Variants in SLFN12L observed in about 807,000 individuals in gnomAD.
SLFN12L encodes schlafen family member 12-like.
A neutral mutation model predicts 34.8 loss-of-function variants in SLFN12L; 34 were observed. That is an observed-to-expected ratio of 0.98 (90% confidence interval 0.74 to 1.30). The LOEUF (loss-of-function observed/expected upper bound fraction) is 1.30. Ranked by LOEUF, SLFN12L falls within the 50% of genes most tolerant of loss-of-function variation. SLFN12L has a pLI of 0.00. For synonymous variants in SLFN12L, 259 were observed against 247.5 expected (o/e 1.05, Z -0.44); for missense variants, 703 against 696.2 (o/e 1.01, Z -0.11).
chr17:35,487,933 G>C lies in SLFN12L; in HGVS notation c.87-7738C>G, dbSNP rs62078153. ...GGTGTGTCTGCGAATCCAACGACGG[G>C]CGCGGTGACTCACGCCTGTAATCCC... On this transcript the variant is annotated intron_variant, in intron 2 of 4. Coordinates refer to ENST00000628453, the MANE Select transcript of SLFN12L (RefSeq NM_001363830.2). The C allele has an allele frequency of 3.7e-3, 2,620 of 707,086 alleles. 9 individuals carry two copies. Among genetic ancestry groups the C allele is most frequent in the Non-Finnish European group, 5.2e-3 (2,054 of 391,906 alleles). The allele number at this position is 707,086 out of a possible 1,614,324, so 43.8% of individuals were successfully genotyped here. A position where few individuals can be genotyped will look rare whatever the true frequency, so the allele number is the denominator to read the frequency against.
chr17:35,524,065 C>T (rs1022691288), intron 1 of SLFN12L, among the ~76,000 whole-genome samples: 1 of 152,180 alleles, frequency 6.6e-6, no homozygotes, highest in Non-Finnish European at 1.5e-5. Flanking sequence ...ATTGAAATTA[C>T]CCAAACTTTA....
chr17:35,525,588 G>A (rs1161467791), intron 1 of SLFN12L, among the ~76,000 whole-genome samples: 1 of 152,176 alleles, frequency 6.6e-6, no homozygotes, highest in Non-Finnish European at 1.5e-5. Flanking sequence ...CGTCAACCCA[G>A]AATTTCATAT....
chr17:35,530,509 A>AAAGAAAGC (rs2072396928), intron 1 of SLFN12L, among the ~76,000 whole-genome samples: 1 of 23,932 alleles, frequency 4.2e-5, no homozygotes, highest in Non-Finnish European at 1.1e-4. Flanking sequence ...AGAAAGAAAG[A>AAAGAAAGC]AAGAAAAGAA....
intron 4 of SLFN12L, 28 bp from the exon 5 acceptor site, chr17:35,475,513 A>G: frequency 6.5e-7 from 1 of 1,528,164 alleles, no homozygotes; most frequent in Non-Finnish European, 8.8e-7. Context: ...GATAAATTAT[A>G]AAAGACTGAG....
intron 1 of SLFN12L, among the ~76,000 whole-genome samples, chr17:35,530,305 C>T (rs1489082234): frequency 2.8e-5 from 4 of 144,216 alleles, no homozygotes; most frequent in African/African-American, 1.0e-4. Flanking sequence ...CAAGATTGTG[C>T]CACTGCACTC....
In SLFN12L at chr17:35,479,371, T is replaced by A. The variant is rs1298971925; in HGVS notation, c.911A>T (p.Glu304Val). The stretch of plus-strand genomic sequence containing the variant: ...TTTCCCAATGGAATTTTTTGTTACT[T>A]CTTCTAACTTAGTAAGATAACTCTT... ...AEKSYLTKLE[E>V]VTKNSIGKLP... Residue 304 changes from glutamate (E) to valine (V), a missense_variant, in exon 3 of 5, where the codon GAA becomes GTA. By Grantham distance (121) the Glu-to-Val change is moderately radical. Transcript: ENST00000628453. 1 of 1,600,408 alleles carries A rather than the reference T, an allele frequency of 6.2e-7. No individual in the cohort carries two copies. The highest frequency in any genetic ancestry group is 8.5e-7 in the Non-Finnish European group (1 of 1,172,088).
intron 2 of SLFN12L, chr17:35,514,925 A>T (rs905915908): frequency 2.4e-6 from 1 of 414,032 alleles, no homozygotes; most frequent in African/African-American, 2.1e-5. Context: ...TGGATTTGTC[A>T]GGTGGTCTAC....
chr17:35,477,675 A>G (rs974148358), intron 4 of SLFN12L, among the ~76,000 whole-genome samples: 7 of 152,120 alleles, frequency 4.6e-5, no homozygotes, highest in Admixed American at 1.3e-4. Context: ...ATTTTCTTCC[A>G]TGTATATACC....
chr17:35,490,275 C>G (rs542530202), intron 2 of SLFN12L: 1 of 1,505,912 alleles, frequency 6.6e-7, no homozygotes, highest in East Asian at 2.3e-5. Context: ...GGTTCAAAAA[C>G]CCCCAAGGGC....
At chr17:35,512,758 T>C (rs1915694998) in intron 2 of SLFN12L, among the ~76,000 whole-genome samples, 1 of 152,246 alleles carries the variant, frequency 6.6e-6, no homozygotes, top group Non-Finnish European at 1.5e-5. Flanking sequence ...TGCACTTGGC[T>C]TAATCAACTG....
Position 35,498,111 on chromosome 17 carries a change from AG to A in SLFN12L, c.87-17917del. 2.0e-5 allele frequency: 12 copies of A among 586,816 alleles called. No individual in the cohort carries two copies. In the South Asian group the frequency reaches 2.2e-4, roughly 11 times the overall value. The allele number at this position is 586,816 out of a possible 1,614,324, so 36.4% of individuals were successfully genotyped here. ...GGCGCGGGGCTCCAGGACACAGCTG[AG>A]CCGGCGGTCAGAGCGAGACCTGCAG... On this transcript the variant is annotated intron_variant, in intron 2 of 4. Coordinates refer to ENST00000628453, the MANE Select transcript of SLFN12L (RefSeq NM_001363830.2).
intron 2 of SLFN12L, chr17:35,498,742 T>A (rs1375641779): frequency 6.1e-6 from 8 of 1,300,888 alleles, no homozygotes; most frequent in Non-Finnish European, 8.7e-6. Flanking sequence ...AACTACCTTA[T>A]CCACTACCTC....
rs980297823 is a variant in SLFN12L, at chr17:35,473,705, T to A, written c.*1218A>T. 1 of 152,196 alleles carries A rather than the reference T, an allele frequency of 6.6e-6. No individual in the cohort carries two copies. The highest frequency in any genetic ancestry group is 1.5e-5 in the Non-Finnish European group (1 of 68,032). The allele number at this position is 152,196 out of a possible 1,614,324, so 9.4% of individuals were successfully genotyped here. On this transcript the variant is annotated 3_prime_UTR_variant, in exon 5 of 5. Transcript: ENST00000628453. ...GCAGGATTCTTTCCTCTTTTATTGT[T>A]TGGAATAGTTTCAGTAGAAATGGTA...
At chr17:35,525,220 C>T (rs1016923460) in intron 1 of SLFN12L, among the ~76,000 whole-genome samples, 6 of 152,016 alleles carry the variant, frequency 3.9e-5, no homozygotes, top group African/African-American at 1.2e-4. Flanking sequence ...GAAAAGACCA[C>T]ATCTACGTTT....
chr17:35,516,228 C>A (rs1217258821), intron 2 of SLFN12L, among the ~76,000 whole-genome samples: 1 of 152,206 alleles, frequency 6.6e-6, no homozygotes, highest in Non-Finnish European at 1.5e-5. Flanking sequence ...AACTCTATTA[C>A]TTCAGCATCA....
intron 2 of SLFN12L, 23 bp from the exon 3 acceptor site, chr17:35,480,218 T>C (rs1914271954): frequency 3.9e-6 from 6 of 1,520,508 alleles, no homozygotes; most frequent in Non-Finnish European, 3.5e-6. Context: ...GCCGTTAGAA[T>C]AGGAGTTAAG....
chr17:35,511,901 T>A (rs1233013450), intron 2 of SLFN12L, among the ~76,000 whole-genome samples: 1 of 152,228 alleles, frequency 6.6e-6, no homozygotes, highest in Non-Finnish European at 1.5e-5. Context: ...AACATGGCAC[T>A]AATACATATT....
intron 1 of SLFN12L, among the ~76,000 whole-genome samples, chr17:35,533,648 G>A (rs1470388168): frequency 6.6e-6 from 1 of 152,224 alleles, no homozygotes; most frequent in Non-Finnish European, 1.5e-5. Flanking sequence ...GAAGTAAGAA[G>A]GAGTATGTCA....
chr17:35,466,473 C>T lies in SLFN12L; in HGVS notation c.*8450G>A, dbSNP rs1172025136. Reference sequence around the variant, plus strand: ...CAGACAAGATCTTAAGTGCATGCACCTTCCTCTGGGAGCACAGATATGATA... The same window carrying T: ...CAGACAAGATCTTAAGTGCATGCACTTTCCTCTGGGAGCACAGATATGATA... On this transcript the variant is annotated 3_prime_UTR_variant, in exon 5 of 5. Transcript: ENST00000628453. Among the ~76,000 whole-genome samples the T allele has an allele frequency of 6.6e-6, 1 of 152,178 alleles. No individual in the cohort carries two copies. The highest frequency in any genetic ancestry group is 2.4e-5 in the African/African-American group (1 of 41,452).
Sources: allele counts gnomAD v4.1 joint callset (sites outside exome capture counted in the v4.1 genomes callset), GRCh38; gene constraint gnomAD v4.1.1; transcripts MANE v1.5; gene names NCBI Gene and HGNC (gene_info 2026-07-23, HGNC 2026-07-21).